The following ZSWIM3 variants were observed in gnomAD, a reference collection of about 807,000 sequenced individuals.
ZSWIM3 encodes zinc finger SWIM-type containing 3, also known as zinc finger SWIM domain-containing protein 3.
ZSWIM3 carries 27 observed loss-of-function variants against 47.5 expected under a neutral mutation model. The ratio of observed to expected loss-of-function variants is 0.57; its 90% CI spans 0.42 to 0.78. The LOEUF is 0.78. Among genes scored for constraint, ZSWIM3 ranks in the 30% least tolerant of loss-of-function variants. The pLI is 0.00. For missense variants in ZSWIM3, 689 were observed against 861.3 expected (o/e 0.80, Z 2.50); for synonymous variants, 333 against 333.9 (o/e 1.00, Z 0.03).
At chr20:45,873,798 T>C (rs1387229800) in intron 1 of ZSWIM3, among the ~76,000 whole-genome samples, 1 of 152,204 alleles carries the variant, frequency 6.6e-6, no homozygotes, top group Admixed American at 6.5e-5. Context: ...GATATAGTGC[T>C]ACCCAGAGAA....
At chr20:45,870,555 T>C (rs1376591415) in intron 1 of ZSWIM3, among the ~76,000 whole-genome samples, 2 of 152,216 alleles carry the variant, frequency 1.3e-5, no homozygotes, top group Non-Finnish European at 1.5e-5. Context: ...ATTCCTGTTA[T>C]AGCTTTTTAA....
chr20:45,857,650 C>A lies in ZSWIM3; in HGVS notation c.-176C>A, dbSNP rs954208539. The stretch of plus-strand genomic sequence containing the variant: ...AATACACCCCCTTCCTCTTGTAACC[C>A]GGTCAGGCCTAGGGTTCCTCCCTGA... On this transcript the variant is annotated 5_prime_UTR_variant, in exon 1 of 2. Transcript: ENST00000255152. 1.1e-5 allele frequency: 8 copies of A among 760,986 alleles called. No homozygotes were observed. The highest frequency in any genetic ancestry group is 1.7e-5 in the African/African-American group (1 of 57,446). 47.1% of individuals were successfully genotyped at this position (760,986 alleles called of 1,614,324 possible).
rs201729993 is a variant in ZSWIM3 at position 45,877,107 on chromosome 20, G to C, written c.549G>C (p.Lys183Asn). 1.2e-6 allele frequency: 2 copies of C among 1,614,202 alleles called. No homozygotes were observed. Among genetic ancestry groups the C allele is most frequent in the Admixed American group, 3.3e-5 (2 of 60,014 alleles). Residue 183 changes from lysine to asparagine, a missense_variant, in exon 2 of 2, where the codon AAG (lysine) becomes AAC (asparagine). Physicochemically the swap from Lys to Asn is moderately conservative, Grantham distance 94 (BLOSUM62 0). Coordinates refer to ENST00000255152, the MANE Select transcript of ZSWIM3 (RefSeq NM_080752.4). ...KIAKVMKNFL[K>N]VDEGSMASFS... is the part of the protein sequence containing the mutation. ...CAAAAGTGATGAAGAACTTTCTTAA[G>C]GTAGATGAGGGTTCCATGGCTTCCT... is the stretch of plus-strand genomic sequence containing the variant.
chr20:45,876,641 C>A, intron 1 of ZSWIM3, 73 bp from the exon 2 acceptor site: 2 of 1,540,394 alleles, frequency 1.3e-6, no homozygotes, highest in South Asian at 2.6e-5. Context: ...ACCCAGCCCC[C>A]TTCAGGGTCT....
intron 1 of ZSWIM3, among the ~76,000 whole-genome samples, chr20:45,867,833 CA>C (rs1376917550): frequency 6.6e-6 from 1 of 152,180 alleles, no homozygotes; most frequent in African/African-American, 2.4e-5. Flanking sequence ...TAACAGCCAC[CA>C]TTTGTAAACA....
At chr20:45,875,264 G>C (rs928643941) in intron 1 of ZSWIM3, among the ~76,000 whole-genome samples, 1 of 151,754 alleles carries the variant, frequency 6.6e-6, no homozygotes, top group African/African-American at 2.4e-5. Flanking sequence ...GAATGGTCTC[G>C]ATCTCCTGAT....
chr20:45,876,970 C>G lies in ZSWIM3; in HGVS notation c.412C>G (p.Leu138Val), dbSNP rs754572107. ...TGTGCAGCCCACAACCAAAAAAGACCTTGACACTGCCGAGAAGTCCCTGGT... is the reference window on the plus strand; with the variant it reads ...TGTGCAGCCCACAACCAAAAAAGACGTTGACACTGCCGAGAAGTCCCTGGT... ...QPVQPTTKKD[L>V]DTAEKSLVEP... is the part of the protein sequence containing the mutation. The change falls in exon 2 of 2, where the codon CTT (leucine) becomes GTT (valine). Residue 138 changes from leucine (L) to valine (V), a missense_variant. Transcript: ENST00000255152. 1.2e-6 allele frequency: 2 copies of G among 1,613,998 alleles called. No individual in the cohort carries two copies. Among genetic ancestry groups the G allele is most frequent in the African/African-American group, 1.3e-5 (1 of 74,902 alleles).
In ZSWIM3 at chr20:45,866,802, AAAG is replaced by A. The variant is rs536321926; in HGVS notation, c.155+8824_155+8826del. On this transcript the variant is annotated intron_variant, in intron 1 of 1. Transcript: ENST00000255152. ...GAGCAACAGAGACCCTGTCTCAAAA[AAAG>A]AGAGAAAGAAGAAAAGGAAAGGAAA... 2.3e-3 allele frequency among the ~76,000 whole-genome samples: 324 copies of A among 143,188 alleles called. 2 individuals are homozygous for A. Among genetic ancestry groups the A allele is most frequent in the African/African-American group, 8.2e-3 (315 of 38,230 alleles). The allele number at this position is 143,188 out of a possible 152,430, so 93.9% of individuals were successfully genotyped here.
intron 1 of ZSWIM3, among the ~76,000 whole-genome samples, chr20:45,862,625 G>A (rs544827044): frequency 2.0e-5 from 3 of 152,176 alleles, no homozygotes; most frequent in Admixed American, 6.6e-5. Flanking sequence ...CCAAGGAGCT[G>A]AGACTACAGG....
rs960200812 is a variant in ZSWIM3 at position 45,875,197 on chromosome 20, C to G, written c.156-1517C>G. 5.3e-5 allele frequency among the ~76,000 whole-genome samples: 8 copies of G among 151,940 alleles called. No homozygotes were observed. The South Asian group carries it at 8.3e-4, about 16-fold the overall frequency. ...AGCTGGGACTACAGGCGCCTGCCACCACACCCAGCTAATTTTTTGTATTTT... is the reference window on the plus strand; with the variant it reads ...AGCTGGGACTACAGGCGCCTGCCACGACACCCAGCTAATTTTTTGTATTTT... On this transcript the variant is annotated intron_variant, in intron 1 of 1. Coordinates refer to ENST00000255152, the MANE Select transcript of ZSWIM3 (RefSeq NM_080752.4).
chr20:45,870,624 G>T (rs515547), intron 1 of ZSWIM3, among the ~76,000 whole-genome samples: 144,975 of 152,180 alleles, frequency 0.95, 69,127 homozygotes, highest in East Asian at 1. Flanking sequence ...TATAGAGAGA[G>T]AAGAAATTGG....
At chr20:45,868,223 C>T (rs746742837) in intron 1 of ZSWIM3, among the ~76,000 whole-genome samples, 3 of 152,162 alleles carry the variant, frequency 2.0e-5, no homozygotes, top group Non-Finnish European at 4.4e-5. Flanking sequence ...GATAGAAAAC[C>T]TTCAGCCTTA....
chr20:45,868,876 C>T (rs144357487), intron 1 of ZSWIM3, among the ~76,000 whole-genome samples: 145 of 152,096 alleles, frequency 9.5e-4, no homozygotes, highest in African/African-American at 3.3e-3. Context: ...AATCTCGGCT[C>T]ACTGCAACCT....
chr20:45,874,715 G>A (rs576217375), intron 1 of ZSWIM3, among the ~76,000 whole-genome samples: 10 of 152,206 alleles, frequency 6.6e-5, no homozygotes, highest in African/African-American at 2.2e-4. Context: ...CATTTTAAAC[G>A]GGAGTAACCA....
rs758706270 is a variant in ZSWIM3 at position 45,877,005 on chromosome 20, G to A, written c.447G>A (p.Ser149=). The A allele has an allele frequency of 5.6e-6, 9 of 1,614,144 alleles. No individual in the cohort carries two copies. In the East Asian group the frequency reaches 6.7e-5, roughly 12 times the overall value. The change falls in exon 2 of 2, where the codon TCG becomes TCA. Residue 149 remains serine, a synonymous_variant. Coordinates refer to ENST00000255152, the MANE Select transcript of ZSWIM3 (RefSeq NM_080752.4). The part of the protein sequence containing the change: ...DTAEKSLVEP[S]FCLDKVQVSS... The stretch of plus-strand genomic sequence containing the variant: ...CCGAGAAGTCCCTGGTTGAGCCATC[G>A]TTTTGCCTAGATAAGGTACAAGTGT...
intron 1 of ZSWIM3, among the ~76,000 whole-genome samples, chr20:45,859,977 T>C (rs1985665500): frequency 6.6e-6 from 1 of 151,850 alleles, no homozygotes. Flanking sequence ...AAGAGAAAAA[T>C]CACTGCGAGC....
At chr20:45,875,113 A>G (rs776083516) in intron 1 of ZSWIM3, among the ~76,000 whole-genome samples, 6 of 130,740 alleles carry the variant, frequency 4.6e-5, no homozygotes, top group Middle Eastern at 5.4e-3. Context: ...ATCTTGGCTC[A>G]CTGCAAGCAA....
chr20:45,877,038 G>A lies in ZSWIM3; in HGVS notation c.480G>A (p.Lys160=). 6.2e-7 allele frequency: 1 copy of A among 1,614,142 alleles called. No individual in the cohort carries two copies. The highest frequency in any genetic ancestry group is 8.5e-7 in the Non-Finnish European group (1 of 1,180,038). The change falls in exon 2 of 2, where the codon AAG becomes AAA. Residue 160 remains lysine (K), a synonymous_variant. Transcript: ENST00000255152. ...FCLDKVQVSS[K]PEQEGITPSD... ...TAGATAAGGTACAAGTGTCCTCAAAGCCAGAGCAGGAAGGCATCACTCCTT... is the reference window on the plus strand; with the variant it reads ...TAGATAAGGTACAAGTGTCCTCAAAACCAGAGCAGGAAGGCATCACTCCTT...
Position 45,877,436 on chromosome 20 carries a change from T to C in ZSWIM3, c.878T>C (p.Ile293Thr). ...GACCCTTCATTCCATTACCGGGCTA[T>C]CCTGCAGGAGATCTTTCCTGCTGCC... Reference protein sequence around the residue: ...FVDPSFHYRAILQEIFPAARI... With the variant: ...FVDPSFHYRATLQEIFPAARI... Residue 293 changes from isoleucine to threonine, a missense_variant, in exon 2 of 2, where the codon ATC (isoleucine) becomes ACC (threonine). Coordinates refer to ENST00000255152, the MANE Select transcript of ZSWIM3 (RefSeq NM_080752.4). 3 of 1,614,210 alleles carry C rather than the reference T, an allele frequency of 1.9e-6. No individual in the cohort carries two copies. The highest frequency in any genetic ancestry group is 2.5e-6 in the Non-Finnish European group (3 of 1,180,032).
Sources: allele counts gnomAD v4.1 joint callset (sites outside exome capture counted in the v4.1 genomes callset), GRCh38; gene constraint gnomAD v4.1.1; transcripts MANE v1.5; gene names NCBI Gene and HGNC (gene_info 2026-07-23, HGNC 2026-07-21).